The following RFX3 variants were observed in gnomAD, a reference collection of about 807,000 sequenced individuals.
The protein encoded by RFX3 is regulatory factor X3.
Under a neutral mutation model 98.6 loss-of-function variants are expected in RFX3, and 14 were observed. That is an observed-to-expected ratio of 0.14 (90% CI 0.09 to 0.22). The LOEUF is 0.22. Ranked by LOEUF, RFX3 falls within the 10% of genes least tolerant of loss-of-function variation. The pLI, the probability that RFX3 is intolerant of heterozygous loss-of-function variation, is 1.00. For synonymous variants in RFX3, 383 were observed against 328.4 expected (o/e 1.17, Z -1.80); for missense variants, 639 against 926.9 (o/e 0.69, Z 4.03).
In RFX3 at chr9:3,504,878, ATTATATATAATATAACATATATTATAT is replaced by A. The variant is rs1564185354; in HGVS notation, c.-9+20842_-9+20868del. 1.5e-4 allele frequency among the ~76,000 whole-genome samples: 8 copies of A among 52,308 alleles called. No individual in the cohort carries two copies. In the South Asian group the frequency reaches 2.1e-3, roughly 14 times the overall value. The allele number at this position is 52,308 out of a possible 152,430, so 34.3% of individuals were successfully genotyped here. On this transcript the variant is annotated intron_variant, in intron 1 of 16. Transcript: ENST00000617270. Reference sequence around the variant, plus strand: ...ATATGATATAATATATATTATATATATTATATATAATATAACATATATTATATATATATATAATATAACATATATTAT... The same window carrying A: ...ATATGATATAATATATATTATATATAATATATATAATATAACATATATTAT...
At chr9:3,243,147 T>C (rs184468101) in intron 15 of RFX3, among the ~76,000 whole-genome samples, 2 of 152,080 alleles carry the variant, frequency 1.3e-5, no homozygotes, top group East Asian at 3.9e-4. Flanking sequence ...GCTTTATGAT[T>C]TTTAAAATTG....
chr9:3,426,277 G>A (rs868200029), intron 1 of RFX3, among the ~76,000 whole-genome samples: 6 of 151,324 alleles, frequency 4.0e-5, no homozygotes, highest in Admixed American at 6.6e-5. Context: ...TATAATGTAT[G>A]ATGATCGGGT....
At chr9:3,363,981 T>A (rs1836764579) in intron 2 of RFX3, among the ~76,000 whole-genome samples, 1 of 152,226 alleles carries the variant, frequency 6.6e-6, no homozygotes, top group Non-Finnish European at 1.5e-5. Flanking sequence ...ATTCAAGCAA[T>A]TCCCCTGTCT....
intron 9 of RFX3, 124 bp from the exon 10 acceptor site, chr9:3,271,242 G>A: frequency 6.4e-6 from 4 of 623,662 alleles, no homozygotes; most frequent in Non-Finnish European, 1.1e-5. Flanking sequence ...TTAACATGGT[G>A]AAACTACACT....
Position 3,218,943 on chromosome 9 carries a change from A to G in RFX3, c.*6099T>C, listed in dbSNP as rs900507858. ...CAGTATCTTAAAAAAACACAATGAA[A>G]GAAGTTTTACCTAGAAGGTACGAAA... On this transcript the variant is annotated 3_prime_UTR_variant, in exon 17 of 17. Coordinates refer to ENST00000617270, the MANE Select transcript of RFX3 (RefSeq NM_001282116.2). 4 of 152,188 alleles carry G rather than the reference A, an allele frequency of 2.6e-5. No individual in the cohort carries two copies. Among genetic ancestry groups the G allele is most frequent in the Admixed American group, 1.3e-4 (2 of 15,272 alleles). The allele number at this position is 152,188 out of a possible 1,614,324, so 9.4% of individuals were successfully genotyped here.
chr9:3,470,801 A>G (rs908174546), intron 1 of RFX3, among the ~76,000 whole-genome samples: 2 of 152,236 alleles, frequency 1.3e-5, no homozygotes, highest in Non-Finnish European at 2.9e-5. Context: ...ACAACTGACA[A>G]AAGTATTAGG....
intron 1 of RFX3, among the ~76,000 whole-genome samples, chr9:3,516,725 ACT>A (rs139117644): frequency 1.1e-3 from 167 of 146,496 alleles, no homozygotes; most frequent in South Asian, 1.7e-3. Flanking sequence ...TCGCTTTCGC[ACT>A]CTCTCTCTCT....
At chr9:3,246,136 G>A (rs1820634478) in intron 15 of RFX3, among the ~76,000 whole-genome samples, 1 of 152,096 alleles carries the variant, frequency 6.6e-6, no homozygotes, top group Non-Finnish European at 1.5e-5. Context: ...TAATGGATGA[G>A]CATAGGCAGG....
intron 15 of RFX3, among the ~76,000 whole-genome samples, chr9:3,232,038 ACAAG>A (rs66952089): frequency 0.02 from 1,287 of 62,948 alleles, 5 homozygotes; most frequent in Non-Finnish European, 0.024. Flanking sequence ...TGTCTCAAAA[ACAAG>A]CAAGCAAGCA....
rs561123462 is a variant in RFX3 at position 3,392,320 on chromosome 9, GA to G, written c.117+3151del. On this transcript the variant is annotated intron_variant, in intron 2 of 16. Transcript: ENST00000617270. ...TTAAAAGAAACAGACTATGTAAAGA[GA>G]AAAAAAATTTCAACAAGTTAAAAAA... is the stretch of plus-strand genomic sequence containing the variant. Among the ~76,000 whole-genome samples the G allele has an allele frequency of 2.1e-3, 317 of 149,142 alleles. 2 individuals carry two copies. Among genetic ancestry groups the G allele is most frequent in the Middle Eastern group, 0.014 (4 of 286 alleles).
chr9:3,444,098 A>G (rs924550947), intron 1 of RFX3, among the ~76,000 whole-genome samples: 2 of 152,224 alleles, frequency 1.3e-5, no homozygotes, highest in Non-Finnish European at 2.9e-5. Flanking sequence ...CATTTGTCCA[A>G]AATCATGTAC....
intron 4 of RFX3, among the ~76,000 whole-genome samples, chr9:3,313,850 C>A (rs769611693): frequency 7.9e-5 from 12 of 152,150 alleles, no homozygotes; most frequent in Admixed American, 7.2e-4. Flanking sequence ...ACGAACAAAG[C>A]CTCCAAGAAA....
chr9:3,300,198 A>G (rs1439760060), intron 5 of RFX3, among the ~76,000 whole-genome samples: 1 of 151,826 alleles, frequency 6.6e-6, no homozygotes, highest in Non-Finnish European at 1.5e-5. Context: ...TACGAAACAT[A>G]AAAGAGTGAC....
At chr9:3,287,521 T>A (rs1337284258) in intron 7 of RFX3, among the ~76,000 whole-genome samples, 2 of 151,998 alleles carry the variant, frequency 1.3e-5, no homozygotes, top group African/African-American at 4.8e-5. Context: ...AAACTATTAA[T>A]GCTTTGATTG....
At chr9:3,457,574 AT>A (rs1398782900) in intron 1 of RFX3, among the ~76,000 whole-genome samples, 3 of 151,630 alleles carry the variant, frequency 2.0e-5, no homozygotes, top group East Asian at 1.9e-4. Flanking sequence ...TTTTATTATT[AT>A]TTTTTTTCAT....
At chr9:3,278,517 G>C (rs990918434) in intron 7 of RFX3, among the ~76,000 whole-genome samples, 9 of 151,404 alleles carry the variant, frequency 5.9e-5, no homozygotes, top group African/African-American at 1.7e-4. Flanking sequence ...CCCCTACATT[G>C]ATACTAAAAT....
chr9:3,450,755 T>A (rs569364338), intron 1 of RFX3, among the ~76,000 whole-genome samples: 103 of 151,810 alleles, frequency 6.8e-4, no homozygotes, highest in African/African-American at 1.8e-3. Flanking sequence ...AGAATTTTTT[T>A]AAAAAAGTAA....
At chr9:3,399,064 C>A (rs1239269960) in intron 1 of RFX3, among the ~76,000 whole-genome samples, 1 of 151,772 alleles carries the variant, frequency 6.6e-6, no homozygotes, top group Non-Finnish European at 1.5e-5. Flanking sequence ...ACTCCCCACT[C>A]GGGTTTTGTT....
chr9:3,232,789 AG>A (rs1586664134), intron 15 of RFX3, among the ~76,000 whole-genome samples: 1 of 144,550 alleles, frequency 6.9e-6, no homozygotes, highest in East Asian at 2.3e-4. Context: ...AGAGAGAGAG[AG>A]AGAGAGAGAG....
Sources: allele counts gnomAD v4.1 joint callset (sites outside exome capture counted in the v4.1 genomes callset), GRCh38; gene constraint gnomAD v4.1.1; transcripts MANE v1.5; gene names NCBI Gene and HGNC (gene_info 2026-07-23, HGNC 2026-07-21).